Variants in FBXO21 observed in about 807,000 individuals in gnomAD.
FBXO21 encodes the protein F-box protein 21.
A neutral mutation model predicts 76.6 loss-of-function variants in FBXO21; 32 were observed. The observed-to-expected ratio is 0.42, with a 90% CI of 0.32 to 0.56. FBXO21 has a LOEUF of 0.56. Among genes scored for constraint, FBXO21 ranks in the 20% least tolerant of loss-of-function variants. The pLI, the probability that FBXO21 is intolerant of heterozygous loss-of-function variation, is 0.16. For synonymous variants in FBXO21, 328 were observed against 311.5 expected (o/e 1.05, Z -0.56); for missense variants, 586 against 797.3 (o/e 0.73, Z 3.19).
chr12:117,179,648 G>C (rs1956209246), intron 3 of FBXO21, among the ~76,000 whole-genome samples: 1 of 152,214 alleles, frequency 6.6e-6, no homozygotes, highest in Non-Finnish European at 1.5e-5. Context: ...TAATTTCATA[G>C]AAGGTAGTGC....
chr12:117,189,063 T>G, intron 2 of FBXO21, 164 bp downstream of exon 2: 1 of 740,804 alleles, frequency 1.3e-6, no homozygotes. Flanking sequence ...TGTTGTTGGA[T>G]AGGAGGAAAA....
rs927549520 is a variant in FBXO21 at position 117,144,103 on chromosome 12, A to C, written c.*1984T>G. ...AGACATTTAAAAACAGTCTAGATACATATGTACAGCTGGGTCAGTAAAGGT... is the reference window on the plus strand; with the variant it reads ...AGACATTTAAAAACAGTCTAGATACCTATGTACAGCTGGGTCAGTAAAGGT... On this transcript the variant is annotated 3_prime_UTR_variant, in exon 12 of 12. Coordinates refer to ENST00000622495, the MANE Select transcript of FBXO21 (RefSeq NM_015002.3). 1.3e-5 allele frequency: 2 copies of C among 152,612 alleles called. No individual in the cohort carries two copies. The highest frequency in any genetic ancestry group is 2.9e-5 in the Non-Finnish European group (2 of 68,040). 9.5% of individuals were successfully genotyped at this position (152,612 alleles called of 1,614,324 possible).
intron 9 of FBXO21, among the ~76,000 whole-genome samples, chr12:117,159,254 T>C (rs1955950738): frequency 6.6e-6 from 1 of 151,986 alleles, no homozygotes; most frequent in African/African-American, 2.4e-5. Context: ...TTTCACTTAA[T>C]CCTTCCCATT....
intron 11 of FBXO21, among the ~76,000 whole-genome samples, chr12:117,153,097 G>A (rs926487948): frequency 6.6e-6 from 1 of 152,018 alleles, no homozygotes; most frequent in Non-Finnish European, 1.5e-5. Flanking sequence ...GCAGCAAGTG[G>A]CCCGGTCCAG....
At position 117,158,201 on chromosome 12, in the gene FBXO21, G is replaced by A. The variant is rs574663303; in HGVS notation, c.1327-138C>T. On this transcript the variant is annotated intron_variant, in intron 9 of 11. Coordinates refer to ENST00000622495, the MANE Select transcript of FBXO21 (RefSeq NM_015002.3). ...GGGGTGGCTATGCCCTGATCGAACC[G>A]GTCCAGGTCTCTGGACCATCCTCTG... The A allele has an allele frequency of 7.1e-5, 65 of 913,292 alleles. 1 individual carries two copies. The highest frequency in any genetic ancestry group is 5.6e-4 in the South Asian group (35 of 62,868). The allele number at this position is 913,292 out of a possible 1,614,324, so 56.6% of individuals were successfully genotyped here. A position where few individuals can be genotyped will look rare whatever the true frequency, so the allele number is the denominator to read the frequency against.
chr12:117,144,450 T>A lies in FBXO21; in HGVS notation c.*1637A>T, dbSNP rs1404463053. 1 of 152,212 alleles carries A rather than the reference T, an allele frequency of 6.6e-6. No homozygotes were observed. Among genetic ancestry groups the A allele is most frequent in the Admixed American group, 6.5e-5 (1 of 15,274 alleles). The allele number at this position is 152,212 out of a possible 1,614,324, so 9.4% of individuals were successfully genotyped here. A position where few individuals can be genotyped will look rare whatever the true frequency, so the allele number is the denominator to read the frequency against. On this transcript the variant is annotated 3_prime_UTR_variant, in exon 12 of 12. Coordinates refer to ENST00000622495, the MANE Select transcript of FBXO21 (RefSeq NM_015002.3). ...AGGAGCCAGGGGCCAAATCCCCATC[T>A]CTTTCTAGTAACTGCTTAAAGCCTT...
At chr12:117,167,833 C>T (rs541086916) in intron 7 of FBXO21, among the ~76,000 whole-genome samples, 1 of 152,256 alleles carries the variant, frequency 6.6e-6, no homozygotes, top group East Asian at 1.9e-4. Context: ...CAGAGACCTG[C>T]TGAGCCCATC....
rs778520820 is a variant in FBXO21, at chr12:117,168,980, C to T, written c.1014-1903G>A. On this transcript the variant is annotated intron_variant, in intron 7 of 11. Transcript: ENST00000622495. ...CAGCAATCCCATTACTGCATATATA[C>T]CCAAAGGAATATAAGTCATTCTATT... Among the ~76,000 whole-genome samples, 181 of 152,150 alleles carry T rather than the reference C, an allele frequency of 1.2e-3. 2 individuals are homozygous for T. The highest frequency in any genetic ancestry group is 3.8e-4 in the Non-Finnish European group (26 of 68,036).
At chr12:117,148,746 C>T (rs1252128117) in intron 11 of FBXO21, among the ~76,000 whole-genome samples, 4 of 152,202 alleles carry the variant, frequency 2.6e-5, no homozygotes, top group African/African-American at 9.6e-5. Flanking sequence ...AAAAATCCAA[C>T]AGTCAGGAGA....
intron 9 of FBXO21, 133 bp from the exon 10 acceptor site, chr12:117,158,196 G>T: frequency 1.0e-6 from 1 of 979,650 alleles, no homozygotes; most frequent in Non-Finnish European, 1.6e-6. Context: ...TGCCCTGATC[G>T]AACCGGTCCA....
At chr12:117,170,652 T>A (rs1283745655) in intron 7 of FBXO21, among the ~76,000 whole-genome samples, 5 of 152,096 alleles carry the variant, frequency 3.3e-5, no homozygotes, top group Non-Finnish European at 7.4e-5. Flanking sequence ...CTGTCACATG[T>A]CTAGGGGGTA....
Position 117,145,087 on chromosome 12 carries a change from T to A in FBXO21, c.*1000A>T, listed in dbSNP as rs1593052507. 6.8e-6 allele frequency: 1 copy of A among 147,402 alleles called. No individual in the cohort carries two copies. Among genetic ancestry groups the A allele is most frequent in the Non-Finnish European group, 1.5e-5 (1 of 66,478 alleles). The allele number at this position is 147,402 out of a possible 1,614,324, so 9.1% of individuals were successfully genotyped here. A position where few individuals can be genotyped will look rare whatever the true frequency, so the allele number is the denominator to read the frequency against. ...AAAACCTTTTTTTTTTTTTTTAAGG[T>A]TCATTAATTTTTTTTTTTCCTGATT... On this transcript the variant is annotated 3_prime_UTR_variant, in exon 12 of 12. Coordinates refer to ENST00000622495, the MANE Select transcript of FBXO21 (RefSeq NM_015002.3).
intron 11 of FBXO21, among the ~76,000 whole-genome samples, chr12:117,147,290 GAAAAAA>G (rs144755940): frequency 8.1e-4 from 69 of 85,082 alleles, no homozygotes; most frequent in African/African-American, 2.7e-3. Context: ...TGAAAAAATG[GAAAAAA>G]AAAAAAAAAA....
intron 10 of FBXO21, among the ~76,000 whole-genome samples, chr12:117,157,363 TAC>T (rs1216675820): frequency 6.6e-6 from 1 of 152,170 alleles, no homozygotes; most frequent in African/African-American, 2.4e-5. Context: ...CTCAGGTAAG[TAC>T]ACTTTTAAAG....
chr12:117,184,315 A>C (rs1956262747), intron 3 of FBXO21, among the ~76,000 whole-genome samples: 1 of 152,166 alleles, frequency 6.6e-6, no homozygotes, highest in Non-Finnish European at 1.5e-5. Context: ...AAGTCTTCAC[A>C]TTCCAGGACA....
chr12:117,160,723 AG>A (rs1955967494), intron 9 of FBXO21, among the ~76,000 whole-genome samples: 1 of 152,154 alleles, frequency 6.6e-6, no homozygotes, highest in Non-Finnish European at 1.5e-5. Flanking sequence ...TTGACCTCCC[AG>A]GCTCAGGAGA....
rs1447655631 is a variant in FBXO21, at chr12:117,144,791, G to A, written c.*1296C>T. 3.9e-5 allele frequency: 6 copies of A among 152,172 alleles called. No homozygotes were observed. Among genetic ancestry groups the A allele is most frequent in the Non-Finnish European group, 8.8e-5 (6 of 68,048 alleles). The allele number at this position is 152,172 out of a possible 1,614,324, so 9.4% of individuals were successfully genotyped here. On this transcript the variant is annotated 3_prime_UTR_variant, in exon 12 of 12. Transcript: ENST00000622495. Reference sequence around the variant, plus strand: ...GCACAAAGGCGTGCAGTTACTCTGGGCTCAGTTACTGAGAACTTCGGAAAG... The same window carrying A: ...GCACAAAGGCGTGCAGTTACTCTGGACTCAGTTACTGAGAACTTCGGAAAG...
intron 3 of FBXO21, among the ~76,000 whole-genome samples, chr12:117,178,720 C>T (rs774914215): frequency 3.3e-5 from 5 of 152,122 alleles, no homozygotes; most frequent in Non-Finnish European, 5.9e-5. Flanking sequence ...TTCTCACCTT[C>T]TCCTAGGTTT....
chr12:117,142,564 A>T lies in FBXO21; in HGVS notation c.*3523T>A, dbSNP rs966058109. The T allele has an allele frequency of 2.6e-5, 4 of 151,750 alleles. No homozygotes were observed. Among genetic ancestry groups the T allele is most frequent in the Non-Finnish European group, 5.9e-5 (4 of 67,962 alleles). 9.4% of individuals were successfully genotyped at this position (151,750 alleles called of 1,614,324 possible). ...TTAGGCCAGTGCCCGGCTCAAAGTT[A>T]GCATGCCACACAAAATAATACGTAC... On this transcript the variant is annotated 3_prime_UTR_variant, in exon 12 of 12. Transcript: ENST00000622495.
Sources: allele counts gnomAD v4.1 joint callset (sites outside exome capture counted in the v4.1 genomes callset), GRCh38; gene constraint gnomAD v4.1.1; transcripts MANE v1.5; gene names NCBI Gene and HGNC (gene_info 2026-07-23, HGNC 2026-07-21).